KLRG1: variants seen among roughly 807,000 people sequenced by gnomAD.
The protein encoded by KLRG1 is killer cell lectin-like receptor subfamily G member 1.
Under a neutral mutation model 21.8 loss-of-function variants are expected in KLRG1, and 16 were observed. The observed-to-expected ratio is 0.73, with a 90% CI of 0.50 to 1.11. The LOEUF is 1.11. KLRG1 is among the 50% of genes most tolerant of loss of function. The probability of loss-of-function intolerance (pLI) is 0.00; values close to 1 mark genes in which losing one functional copy is unlikely to be tolerated. For missense variants in KLRG1, 173 were observed against 218.3 expected (o/e 0.79, Z 1.31); for synonymous variants, 69 against 75.9 (o/e 0.91, Z 0.47).
At chr12:9,195,548 A>T in the KLRG1 span, among the ~76,000 whole-genome samples, 5 of 150,030 alleles carry the variant, frequency 3.3e-5, no homozygotes, top group East Asian at 9.8e-4. Context: ...GGCTCGAGGG[A>T]TCCTCCCACC....
At chr12:9,177,116 G>A in the KLRG1 span, among the ~76,000 whole-genome samples, 9 of 152,288 alleles carry the variant, frequency 5.9e-5, no homozygotes, top group Non-Finnish European at 1.0e-4. Flanking sequence ...AACATTGTTC[G>A]TCGCACAATG....
the KLRG1 span, chr12:9,069,732 GA>G: frequency 6.2e-7 from 1 of 1,606,714 alleles, no homozygotes; most frequent in Non-Finnish European, 8.5e-7. Context: ...AAATAGACTG[GA>G]AGTTCTCTTA....
the KLRG1 span, among the ~76,000 whole-genome samples, chr12:9,030,236 T>TGGGGG: frequency 1.3e-4 from 20 of 152,168 alleles, no homozygotes; most frequent in Admixed American, 8.5e-4. Flanking sequence ...GTGGATGGGG[T>TGGGGG]GGGCAGGTGG....
At chr12:9,140,293 T>C in the KLRG1 span, among the ~76,000 whole-genome samples, 2 of 152,218 alleles carry the variant, frequency 1.3e-5, no homozygotes, top group Non-Finnish European at 2.9e-5. Flanking sequence ...GGATGACCCA[T>C]GCTATGGTTT....
the KLRG1 span, chr12:9,149,432 T>C: frequency 1.1e-6 from 1 of 885,404 alleles, no homozygotes. Flanking sequence ...CAGTTTTGTC[T>C]TGGTGTGAGG....
the KLRG1 span, among the ~76,000 whole-genome samples, chr12:9,100,720 G>A: frequency 1 from 152,048 of 152,390 alleles, 75,855 homozygotes; most frequent in East Asian, 1. Context: ...ATGGTCTCTC[G>A]TTACTTGAAA....
the KLRG1 span, among the ~76,000 whole-genome samples, chr12:9,170,766 C>G: frequency 6.6e-6 from 1 of 152,210 alleles, no homozygotes; most frequent in Non-Finnish European, 1.5e-5. This position sits in a 1 kb window ranked among gnomAD's most constrained non-coding sequence, Gnocchi z 4.6. Context: ...GACCCTGATC[C>G]ATTCCTCCTC....
the KLRG1 span, chr12:9,112,730 G>C: frequency 1.7e-6 from 1 of 583,890 alleles, no homozygotes; most frequent in South Asian, 2.0e-5. Context: ...CAAGGTGGAG[G>C]AAAATAAATC....
At chr12:9,200,269 G>A in the KLRG1 span, 2 of 767,130 alleles carry the variant, frequency 2.6e-6, no homozygotes, top group Non-Finnish European at 4.1e-6. Context: ...TATTACAAAA[G>A]TGCTGAGGCA....
At position 9,008,921 on chromosome 12, in the gene KLRG1, A is replaced by G. The variant is rs765582326; in HGVS notation, c.358-54A>G. ...TTAGGAATCCAATGTGGAAAGGAAT[A>G]ATTGTTTGACTGTGACACTAGGTCC... On this transcript the variant is annotated intron_variant, in intron 3 of 4. Transcript: ENST00000356986. 427 of 1,163,040 alleles carry G rather than the reference A, an allele frequency of 3.7e-4. 2 individuals are homozygous for G. In the African/African-American group the frequency reaches 5.6e-3, roughly 15 times the overall value. The allele number at this position is 1,163,040 out of a possible 1,614,324, so 72.0% of individuals were successfully genotyped here. A position where few individuals can be genotyped will look rare whatever the true frequency, so the allele number is the denominator to read the frequency against.
the KLRG1 span, among the ~76,000 whole-genome samples, chr12:9,199,785 A>G: frequency 6.6e-6 from 1 of 152,180 alleles, no homozygotes; most frequent in Non-Finnish European, 1.5e-5. Context: ...CAAATTTTAC[A>G]ATTTTAAAAA....
At chr12:9,203,789 T>C in the KLRG1 span, 1 of 1,614,116 alleles carries the variant, frequency 6.2e-7, no homozygotes, top group African/African-American at 1.3e-5. Context: ...CACAGTGGAA[T>C]AAGTCCTTCT....
At chr12:8,982,310 A>G (rs1946767089) in intron 1 of KLRG1, among the ~76,000 whole-genome samples, 1 of 152,232 alleles carries the variant, frequency 6.6e-6, no homozygotes. Context: ...AAGAATCCAC[A>G]AGCCAAGAAA....
At chr12:9,137,412 G>C in the KLRG1 span, among the ~76,000 whole-genome samples, 3 of 152,046 alleles carry the variant, frequency 2.0e-5, no homozygotes, top group Admixed American at 6.6e-5. Context: ...GCACCATACT[G>C]TTTTGATTAC....
chr12:9,043,845 G>A, the KLRG1 span, among the ~76,000 whole-genome samples: 1 of 152,198 alleles, frequency 6.6e-6, no homozygotes, highest in African/African-American at 2.4e-5. Flanking sequence ...TGGGAGCTCT[G>A]AAATGCCATG....
the KLRG1 span, chr12:9,202,795 A>G: frequency 9.8e-7 from 1 of 1,022,070 alleles, no homozygotes; most frequent in South Asian, 1.6e-5. Flanking sequence ...AGGAGAAGGA[A>G]GGTGTGACTA....
chr12:9,208,449 C>T, the KLRG1 span: 1 of 786,850 alleles, frequency 1.3e-6, no homozygotes, highest in East Asian at 2.7e-5. Context: ...CAAACAAGCC[C>T]CACCCCAAGG....
At chr12:9,182,069 G>T in the KLRG1 span, 3 of 1,613,552 alleles carry the variant, frequency 1.9e-6, no homozygotes, top group South Asian at 2.2e-5. Context: ...TCGTGCAATG[G>T]GGGCAACGTC....
At chr12:9,093,481 C>G in the KLRG1 span, 1 of 1,613,766 alleles carries the variant, frequency 6.2e-7, no homozygotes, top group East Asian at 2.2e-5. Flanking sequence ...ACCACCAAAT[C>G]CCAGATCCAT....
Sources: allele counts gnomAD v4.1 joint callset (sites outside exome capture counted in the v4.1 genomes callset), GRCh38; gene constraint gnomAD v4.1.1; non-coding constraint Gnocchi (gnomAD v3.1); transcripts MANE v1.5; gene names NCBI Gene and HGNC (gene_info 2026-07-23, HGNC 2026-07-21).